The following KLHL11 variants were observed in gnomAD, a reference collection of about 807,000 sequenced individuals.
KLHL11 encodes the protein kelch-like protein 11.
A neutral mutation model predicts 56.1 loss-of-function variants in KLHL11; 26 were observed. The observed-to-expected ratio is 0.46, with a 90% CI of 0.34 to 0.64. KLHL11 has a LOEUF of 0.64. Among genes scored for constraint, KLHL11 ranks in the 30% least tolerant of loss-of-function variants. The pLI is 0.01. For missense variants in KLHL11, 627 were observed against 919.4 expected, an observed-to-expected ratio of 0.68 and a Z score of 4.11; for synonymous variants, 338 against 345.8, an observed-to-expected ratio of 0.98 and a Z score of 0.25.
chr17:41,851,323 G>A lies in KLHL11; in HGVS notation c.*2417C>T, dbSNP rs1417649775. 6.6e-6 allele frequency: 1 copy of A among 152,214 alleles called. No individual in the cohort carries two copies. Among genetic ancestry groups the A allele is most frequent in the Non-Finnish European group, 1.5e-5 (1 of 68,062 alleles). The allele number at this position is 152,214 out of a possible 1,614,324, so 9.4% of individuals were successfully genotyped here. ...CTGAGCATTAAGAGTAAATTTGAGG[G>A]CTGGGCATGGTGGCTCATGCCTGTA... On this transcript the variant is annotated 3_prime_UTR_variant, in exon 2 of 2. Transcript: ENST00000319121.
rs1555623403 is a variant in KLHL11 at position 41,865,055 on chromosome 17, G to C, written c.316C>G (p.Arg106Gly). Residue 106 changes from arginine (R) to glycine (G), a missense_variant, in exon 1 of 2, where the codon CGC becomes GGC. By Grantham distance (125) the Arg-to-Gly change is moderately radical. Coordinates refer to ENST00000319121, the MANE Select transcript of KLHL11 (RefSeq NM_018143.3). ...ITLCFGGAGGREFRAHRSVLA... is the reference protein window; with the variant it reads ...ITLCFGGAGGGEFRAHRSVLA... ...ACCGAGCGGTGGGCCCGGAACTCGC[G>C]GCCTCCAGCCCCGCCGAAGCACAGG... 6.3e-7 allele frequency: 1 copy of C among 1,588,468 alleles called. No homozygotes were observed. The highest frequency in any genetic ancestry group is 1.7e-4 in the Middle Eastern group (1 of 5,986).
rs782432463 is a variant in KLHL11, at chr17:41,854,373, G to A, written c.1494C>T (p.Ala498=). 18 of 1,614,002 alleles carry A rather than the reference G, an allele frequency of 1.1e-5. No homozygotes were observed. The African/African-American group carries it at 2.1e-4, about 19-fold the overall frequency. The part of the protein sequence containing the change: ...PKILRDVKAL[A]IEDRFVYIAA... ...CAATGTATACAAACCGGTCTTCAAT[G>A]GCTAGTGCTTTGACATCTCGAAGAA... Residue 498 remains alanine (A), a synonymous_variant, in exon 2 of 2, where the codon GCC becomes GCT. Coordinates refer to ENST00000319121, the MANE Select transcript of KLHL11 (RefSeq NM_018143.3). The surrounding 1 kb of genome is among the most constrained non-coding windows in gnomAD (Gnocchi z 4.9).
intron 1 of KLHL11, among the ~76,000 whole-genome samples, chr17:41,857,092 G>T (rs368229925): frequency 6.6e-6 from 1 of 152,072 alleles, no homozygotes; most frequent in Non-Finnish European, 1.5e-5. Context: ...ACTACTCAGG[G>T]GGCTTAGGCA....
At position 41,853,703 on chromosome 17, in the gene KLHL11, C is replaced by T. The variant is rs17498875; in HGVS notation, c.*37G>A. The T allele has an allele frequency of 0.06, 93,760 of 1,552,658 alleles. 3,178 individuals are homozygous for T. The highest frequency in any genetic ancestry group is 0.1 in the Middle Eastern group (551 of 5,534). On this transcript the variant is annotated 3_prime_UTR_variant, in exon 2 of 2. Transcript: ENST00000319121. ...CCTGGGTATCTTCAGCTTCACGAAA[C>T]GGGTGTAACAGTTTTAATCGGCACG...
chr17:41,860,295 G>A (rs1313985577), intron 1 of KLHL11, among the ~76,000 whole-genome samples: 2 of 150,004 alleles, frequency 1.3e-5, no homozygotes, highest in African/African-American at 4.9e-5. Context: ...CTTGGCATCT[G>A]TCATGTGAGG....
At chr17:41,859,460 G>T (rs1309268387) in intron 1 of KLHL11, among the ~76,000 whole-genome samples, 1 of 152,126 alleles carries the variant, frequency 6.6e-6, no homozygotes, top group Non-Finnish European at 1.5e-5. Context: ...AGCTACTCAG[G>T]AGGCTGAGGC....
chr17:41,849,450 G>A lies in KLHL11; in HGVS notation c.*4290C>T, dbSNP rs2048319893. On this transcript the variant is annotated 3_prime_UTR_variant, in exon 2 of 2. Coordinates refer to ENST00000319121, the MANE Select transcript of KLHL11 (RefSeq NM_018143.3). ...TACCACATGCTACACTAGTCAAGAG[G>A]TAAGGAGGAAAAGTGAGCCCTAGAA... 6.6e-6 allele frequency: 1 copy of A among 152,136 alleles called. No homozygotes were observed. The highest frequency in any genetic ancestry group is 2.4e-5 in the African/African-American group (1 of 41,432). 9.4% of individuals were successfully genotyped at this position (152,136 alleles called of 1,614,324 possible). A position where few individuals can be genotyped will look rare whatever the true frequency, so the allele number is the denominator to read the frequency against.
rs1249480980 is a variant in KLHL11, at chr17:41,848,966, A to G, written c.*4774T>C. ...ATAAACAAACCGCAGTGATTTTGCT[A>G]TCTAATTAAATTACTTGAAGCAAAA... On this transcript the variant is annotated 3_prime_UTR_variant, in exon 2 of 2. Coordinates refer to ENST00000319121, the MANE Select transcript of KLHL11 (RefSeq NM_018143.3). 1 of 152,286 alleles carries G rather than the reference A, an allele frequency of 6.6e-6. No individual in the cohort carries two copies. The highest frequency in any genetic ancestry group is 1.9e-4 in the East Asian group (1 of 5,204). 9.4% of individuals were successfully genotyped at this position (152,286 alleles called of 1,614,324 possible). A position where few individuals can be genotyped will look rare whatever the true frequency, so the allele number is the denominator to read the frequency against.
chr17:41,855,222 G>A lies in KLHL11; in HGVS notation c.645C>T (p.Tyr215=), dbSNP rs139002080. The change falls in exon 2 of 2, where the codon TAC becomes TAT. Residue 215 remains tyrosine, a synonymous_variant. Coordinates refer to ENST00000319121, the MANE Select transcript of KLHL11 (RefSeq NM_018143.3). The part of the protein sequence containing the change: ...CVAIHSLAHM[Y]TLSQLALKAA... ...CCTTCAGAGCAAGTTGGCTCAGGGT[G>A]TACATGTGTGCTAAGCTATGAATTG... 50 of 1,613,750 alleles carry A rather than the reference G, an allele frequency of 3.1e-5. No individual in the cohort carries two copies. Among genetic ancestry groups the A allele is most frequent in the African/African-American group, 2.5e-4 (19 of 74,914 alleles).
intron 1 of KLHL11, among the ~76,000 whole-genome samples, chr17:41,861,380 C>T (rs1032910883): frequency 6.6e-6 from 1 of 152,154 alleles, no homozygotes; most frequent in African/African-American, 2.4e-5. Flanking sequence ...TTTCTCTGTC[C>T]TATATAACCT....
intron 1 of KLHL11, among the ~76,000 whole-genome samples, chr17:41,858,612 T>C (rs2048383398): frequency 6.6e-6 from 1 of 152,134 alleles, no homozygotes; most frequent in Non-Finnish European, 1.5e-5. Context: ...TTTTGTATTT[T>C]TAGTAGAGAC....
intron 1 of KLHL11, among the ~76,000 whole-genome samples, chr17:41,856,505 TACACACAAAATCTGAAAACA>T (rs1555622570): frequency 6.6e-6 from 1 of 152,130 alleles, no homozygotes; most frequent in Admixed American, 6.6e-5. Flanking sequence ...AATCTCACTT[TACACACAAAATCTGAAAACA>T]ACAGCAACAA....
Position 41,865,165 on chromosome 17 carries a change from T to A in KLHL11, c.206A>T (p.Glu69Val), listed in dbSNP as rs782315280. Residue 69 changes from glutamate to valine, a missense_variant, in exon 1 of 2, where the codon GAG (glutamate) becomes GTG (valine). Physicochemically the swap from Glu to Val is moderately radical, Grantham distance 121 (BLOSUM62 -2). Around this residue, in one of 4 missense-constraint regions of KLHL11, gnomAD observed 121 missense variants for 116.2 expected, o/e 1.04. Coordinates refer to ENST00000319121, the MANE Select transcript of KLHL11 (RefSeq NM_018143.3). ...GCAGTGAGAGCTGCACTCGAAATCC[T>A]CGGCTTCTGGGCCCGGATCGCCCCC... Reference protein sequence around the residue: ...ASGGDPGPEAEDFECSSHCSE... With the variant: ...ASGGDPGPEAVDFECSSHCSE... 6.2e-7 allele frequency: 1 copy of A among 1,609,924 alleles called. No homozygotes were observed. Among genetic ancestry groups the A allele is most frequent in the South Asian group, 1.1e-5 (1 of 90,390 alleles).
rs559189117 is a variant in KLHL11 at position 41,859,830 on chromosome 17, T to TA, written c.546-4510dup. On this transcript the variant is annotated intron_variant, in intron 1 of 1. Transcript: ENST00000319121. ...ACCTAAATCCATTTAAAGTTTAATT[T>TA]AAAAAAACCACAATCGTTTCAGACA... Among the ~76,000 whole-genome samples the TA allele has an allele frequency of 4.3e-4, 65 of 152,212 alleles. No individual in the cohort carries two copies. The East Asian group carries it at 0.011, about 27-fold the overall frequency.
chr17:41,859,720 C>G (rs1360053433), intron 1 of KLHL11, among the ~76,000 whole-genome samples: 1 of 152,144 alleles, frequency 6.6e-6, no homozygotes, highest in African/African-American at 2.4e-5. Flanking sequence ...TGCACTCCAT[C>G]CTGGGCGACA....
intron 1 of KLHL11, 29 bp from the exon 2 acceptor site, chr17:41,855,350 AT>A: frequency 6.8e-7 from 1 of 1,474,230 alleles, no homozygotes; most frequent in Non-Finnish European, 9.2e-7. Context: ...GAAAAGATTA[AT>A]TTTTCAAATG....
At chr17:41,858,002 G>T (rs2048376968) in intron 1 of KLHL11, among the ~76,000 whole-genome samples, 1 of 152,050 alleles carries the variant, frequency 6.6e-6, no homozygotes, top group Admixed American at 6.6e-5. Context: ...ATTTTTAGTA[G>T]AAATAGGGTT....
chr17:41,858,404 ATTT>A (rs1555622755), intron 1 of KLHL11, among the ~76,000 whole-genome samples: 2 of 66,896 alleles, frequency 3.0e-5, no homozygotes, highest in African/African-American at 9.3e-5. Context: ...ATATATATAT[ATTT>A]TTTGTTGTTG....
chr17:41,865,326 A>AGCCGCGGCCGCCGCC lies in KLHL11; in HGVS notation c.30_44dup (p.Ala12_Ala16dup). 2 of 1,455,902 alleles carry AGCCGCGGCCGCCGCC rather than the reference A, an allele frequency of 1.4e-6. No individual in the cohort carries two copies. Among genetic ancestry groups the AGCCGCGGCCGCCGCC allele is most frequent in the East Asian group, 2.7e-5 (1 of 36,468 alleles). The allele number at this position is 1,455,902 out of a possible 1,614,324, so 90.2% of individuals were successfully genotyped here. Reference sequence around the variant, plus strand: ...CCATCTCCAGTACCTGAAGAGATGCAGCCGCGGCCGCCGCCGCCGCCGCCG... The same window carrying AGCCGCGGCCGCCGCC: ...CCATCTCCAGTACCTGAAGAGATGCAGCCGCGGCCGCCGCCGCCGCGGCCGCCGCCGCCGCCGCCG... On this transcript the variant is annotated inframe_insertion, in exon 1 of 2. Transcript: ENST00000319121.
Sources: allele counts gnomAD v4.1 joint callset (sites outside exome capture counted in the v4.1 genomes callset), GRCh38; gene constraint gnomAD v4.1.1; regional missense constraint gnomAD v4.1.1; non-coding constraint Gnocchi (gnomAD v3.1); transcripts MANE v1.5; gene names NCBI Gene and HGNC (gene_info 2026-07-23, HGNC 2026-07-21).